Variants in P3H2 observed in about 807,000 individuals in gnomAD.
P3H2 encodes prolyl 3-hydroxylase 2, also known as leprecan-like 1.
In P3H2, 80 loss-of-function variants were observed where a neutral mutation model predicts 87.0. That is an observed-to-expected ratio of 0.92 (90% CI 0.77 to 1.11). The LOEUF (loss-of-function observed/expected upper bound fraction) is 1.11. Among genes scored for constraint, P3H2 ranks in the 50% least tolerant of loss-of-function variants. The pLI is 0.00. For synonymous variants in P3H2, 367 were observed against 359.3 expected (o/e 1.02, Z -0.24); for missense variants, 1,001 against 923.9 (o/e 1.08, Z -1.08).
upstream of P3H2, among the ~76,000 whole-genome samples, chr3:190,122,017 G>A (rs1712623875): frequency 6.7e-6 from 1 of 149,656 alleles, no homozygotes; most frequent in African/African-American, 2.5e-5. Context: ...GCTTGAACCT[G>A]GGAGGTGAAG....
intron 1 of P3H2, among the ~76,000 whole-genome samples, chr3:190,070,818 C>T (rs746457319): frequency 2.6e-5 from 4 of 152,166 alleles, no homozygotes; most frequent in African/African-American, 9.7e-5. Context: ...TCCATTTTCA[C>T]GCTTATGCAT....
intron 7 of P3H2, 74 bp downstream of exon 7, chr3:189,984,476 A>AT: frequency 9.2e-7 from 1 of 1,086,162 alleles, no homozygotes; most frequent in Non-Finnish European, 1.4e-6. Flanking sequence ...ATAGAGCTAC[A>AT]TTTCTCTATG....
At chr3:190,086,256 G>C (rs773214123) in intron 1 of P3H2, among the ~76,000 whole-genome samples, 14 of 152,096 alleles carry the variant, frequency 9.2e-5, no homozygotes, top group Non-Finnish European at 1.6e-4. Context: ...CTCTCACTTG[G>C]AGTCTCTTAA....
intron 1 of P3H2, among the ~76,000 whole-genome samples, chr3:190,088,165 C>T (rs1385233126): frequency 5.3e-5 from 8 of 152,044 alleles, no homozygotes; most frequent in Non-Finnish European, 1.0e-4. Flanking sequence ...AATTTAAAGC[C>T]ATTTTTAAAG....
chr3:189,957,770 A>T lies in P3H2; in HGVS notation c.*142T>A. The T allele has an allele frequency of 1.5e-6, 1 of 667,100 alleles. No homozygotes were observed. 41.3% of individuals were successfully genotyped at this position (667,100 alleles called of 1,614,324 possible). On this transcript the variant is annotated 3_prime_UTR_variant, in exon 15 of 15. Transcript: ENST00000319332. Reference sequence around the variant, plus strand: ...AGATAGATTGATAGATTGAGGCAACACAAGCATCCTTAGGAAGAGAAGGAA... The same window carrying T: ...AGATAGATTGATAGATTGAGGCAACTCAAGCATCCTTAGGAAGAGAAGGAA...
Position 190,120,351 on chromosome 3 carries a change from G to A in P3H2, c.381C>T (p.Arg127=), listed in dbSNP as rs1323339507. ...GGTGGCGGGATGCGGGGCCCCCGAG[G>A]CGCTGGGTCTCACAGCTGCGATAAC... is the stretch of plus-strand genomic sequence containing the variant. ...ARCYRSCETQ[R]LGGPASRHRV... Residue 127 remains arginine (R), a synonymous_variant, in exon 1 of 15, where the codon CGC becomes CGT. Transcript: ENST00000319332. The A allele has an allele frequency of 6.3e-7, 1 of 1,579,278 alleles. No homozygotes were observed. The highest frequency in any genetic ancestry group is 1.8e-5 in the Admixed American group (1 of 54,744).
upstream of P3H2, among the ~76,000 whole-genome samples, chr3:190,121,961 A>C (rs568478696): frequency 7.2e-5 from 11 of 151,944 alleles, 1 homozygote; most frequent in Admixed American, 2.0e-4. Context: ...GCGTGGTGGC[A>C]CGTGCCTGCA....
intron 8 of P3H2, among the ~76,000 whole-genome samples, chr3:189,976,849 C>T (rs767254042): frequency 2.0e-5 from 3 of 152,102 alleles, no homozygotes; most frequent in East Asian, 1.9e-4. Flanking sequence ...CCATAAGCCT[C>T]GTTTCAGTAT....
At chr3:190,044,528 A>G (rs898358267) in intron 1 of P3H2, among the ~76,000 whole-genome samples, 1 of 152,202 alleles carries the variant, frequency 6.6e-6, no homozygotes, top group Non-Finnish European at 1.5e-5. Flanking sequence ...ATGCTGTTCC[A>G]CTCAGGACTG....
intron 1 of P3H2, among the ~76,000 whole-genome samples, chr3:190,072,728 TAA>T (rs1726743465): frequency 6.6e-6 from 1 of 152,204 alleles, no homozygotes; most frequent in Non-Finnish European, 1.5e-5. Context: ...TTTTAATTAA[TAA>T]AAGTTACTAA....
intron 4 of P3H2, among the ~76,000 whole-genome samples, chr3:189,988,038 A>C (rs1483861135): frequency 1.3e-5 from 2 of 152,226 alleles, no homozygotes; most frequent in East Asian, 3.8e-4. Flanking sequence ...TGATCTTTGC[A>C]ACAGTAATGT....
chr3:190,033,394 AAATATAGAG>A (rs1725318793), intron 1 of P3H2, among the ~76,000 whole-genome samples: 1 of 152,218 alleles, frequency 6.6e-6, no homozygotes, highest in Non-Finnish European at 1.5e-5. Flanking sequence ...AAATTTAGAA[AAATATAGAG>A]AGAAATCTGT....
chr3:189,960,248 T>C (rs1722772126), intron 14 of P3H2, among the ~76,000 whole-genome samples: 1 of 152,182 alleles, frequency 6.6e-6, no homozygotes, highest in Non-Finnish European at 1.5e-5. Context: ...CCAGAATCAG[T>C]TGTCTTGTTC....
At chr3:189,966,445 G>C (rs552267831) in intron 13 of P3H2, among the ~76,000 whole-genome samples, 1 of 152,344 alleles carries the variant, frequency 6.6e-6, no homozygotes, top group East Asian at 1.9e-4. Context: ...GCTGTGAACT[G>C]TATGAGGCGG....
intron 10 of P3H2, 145 bp from the exon 11 acceptor site, chr3:189,973,169 G>C (rs114238772): frequency 2.8e-6 from 2 of 707,354 alleles, no homozygotes; most frequent in Non-Finnish European, 4.6e-6. Flanking sequence ...TGTGGATTTC[G>C]GTTAGGACAT....
chr3:189,963,849 C>T (rs1722890656), intron 14 of P3H2, 109 bp downstream of exon 14: 1 of 1,071,296 alleles, frequency 9.3e-7, no homozygotes, highest in Non-Finnish European at 1.4e-6. Context: ...TGATTAAGAA[C>T]TGCCTTTACC....
At chr3:189,988,049 A>G (rs998918890) in intron 4 of P3H2, among the ~76,000 whole-genome samples, 1 of 152,222 alleles carries the variant, frequency 6.6e-6, no homozygotes, top group African/African-American at 2.4e-5. Flanking sequence ...ACAGTAATGT[A>G]CCATTTTATA....
intron 1 of P3H2, among the ~76,000 whole-genome samples, chr3:190,099,781 T>C (rs1002059539): frequency 3.9e-5 from 6 of 152,230 alleles, no homozygotes; most frequent in African/African-American, 1.2e-4. Context: ...GTGAAGAAAG[T>C]TGAATGTTAA....
intron 1 of P3H2, among the ~76,000 whole-genome samples, chr3:190,043,655 T>G (rs1424368711): frequency 2.6e-5 from 4 of 152,218 alleles, no homozygotes; most frequent in Non-Finnish European, 5.9e-5. Context: ...ATCACTACAC[T>G]CAAACTAACA....
Sources: allele counts gnomAD v4.1 joint callset (sites outside exome capture counted in the v4.1 genomes callset), GRCh38; gene constraint gnomAD v4.1.1; transcripts MANE v1.5; gene names NCBI Gene and HGNC (gene_info 2026-07-23, HGNC 2026-07-21).